The following OR7D2 variants were observed in gnomAD, a reference collection of about 807,000 sequenced individuals.
OR7D2 encodes the protein olfactory receptor 7D2.
For synonymous variants in OR7D2, 158 were observed against 158.7 expected (o/e 1.00, Z 0.03); for missense variants, 370 against 384.1 (o/e 0.96, Z 0.31).
intron 1 of OR7D2, among the ~76,000 whole-genome samples, chr19:9,180,485 C>T (rs973559116): frequency 2.0e-5 from 3 of 152,120 alleles, no homozygotes; most frequent in Non-Finnish European, 4.4e-5. Context: ...TTGCTCTATT[C>T]ACGCATATAC....
At chr19:9,182,541 G>A (rs534773449) in intron 2 of OR7D2, 75 of 159,726 alleles carry the variant, frequency 4.7e-4, no homozygotes, top group Non-Finnish European at 3.8e-4. Context: ...TTTTTGAGAC[G>A]GAGTCTCGCT....
rs2051046368 is a variant in OR7D2, at chr19:9,187,492, T to C, written c.*772T>C. The C allele has an allele frequency of 7.0e-6, 1 of 142,518 alleles. No homozygotes were observed. Among genetic ancestry groups the C allele is most frequent in the Non-Finnish European group, 1.5e-5 (1 of 66,270 alleles). The allele number at this position is 142,518 out of a possible 1,614,324, so 8.8% of individuals were successfully genotyped here. On this transcript the variant is annotated 3_prime_UTR_variant, in exon 3 of 3. Transcript: ENST00000641288. ...ATATGTAGATACATACCATGTTTTC[T>C]TTTTTTAAAAAAATTTATTTTTATG...
intron 2 of OR7D2, among the ~76,000 whole-genome samples, chr19:9,185,434 A>G (rs2051023174): frequency 6.6e-6 from 1 of 151,608 alleles, no homozygotes; most frequent in Admixed American, 6.6e-5. Context: ...AATAGTATGG[A>G]CAACATTTCT....
At position 9,186,402 on chromosome 19, in the gene OR7D2, C is replaced by G; in HGVS notation, c.621C>G (p.Gly207=). The stretch of plus-strand genomic sequence containing the variant: ...TATACTTTATGACGGGTGTGCTGGG[C>G]GTTTTTCCCCTCCTTGGGATCATTT... The part of the protein sequence containing the change: ...TLIYFMTGVL[G]VFPLLGIIFS... Residue 207 remains glycine (G), a synonymous_variant, in exon 3 of 3, where the codon GGC becomes GGG. Transcript: ENST00000641288. 6.2e-7 allele frequency: 1 copy of G among 1,614,134 alleles called. No homozygotes were observed. Among genetic ancestry groups the G allele is most frequent in the Non-Finnish European group, 8.5e-7 (1 of 1,180,022 alleles).
chr19:9,180,379 T>C (rs1441549060), intron 1 of OR7D2, among the ~76,000 whole-genome samples: 1 of 152,168 alleles, frequency 6.6e-6, no homozygotes, highest in Admixed American at 6.5e-5. Flanking sequence ...CTCAAAGTGC[T>C]GGGATTACAG....
chr19:9,179,036 C>T lies in OR7D2; in HGVS notation c.-192C>T, dbSNP rs1021281287. The T allele has an allele frequency of 3.3e-5, 5 of 152,110 alleles. No individual in the cohort carries two copies. Among genetic ancestry groups the T allele is most frequent in the African/African-American group, 1.2e-4 (5 of 41,402 alleles). The allele number at this position is 152,110 out of a possible 1,614,324, so 9.4% of individuals were successfully genotyped here. On this transcript the variant is annotated 5_prime_UTR_variant, in exon 1 of 3. Coordinates refer to ENST00000641288, the MANE Select transcript of OR7D2 (RefSeq NM_175883.4). ...GATGACTTCATGACAAGTTCCATCT[C>T]CCCGCCTTTCCCTGCTAGATTCTGT...
chr19:9,181,444 CTTTTTTTTT>C (rs911771352), intron 2 of OR7D2, among the ~76,000 whole-genome samples: 1 of 77,946 alleles, frequency 1.3e-5, no homozygotes, highest in African/African-American at 5.6e-5. Context: ...ATTTCCTAGA[CTTTTTTTTT>C]TTTTTTTTTT....
At chr19:9,184,284 CAT>C (rs1487699513) in intron 2 of OR7D2, among the ~76,000 whole-genome samples, 1 of 151,920 alleles carries the variant, frequency 6.6e-6, no homozygotes, top group Non-Finnish European at 1.5e-5. Flanking sequence ...CGTGGTGGCA[CAT>C]ACCTGTAATC....
At chr19:9,180,495 CTT>C (rs2050982170) in intron 1 of OR7D2, among the ~76,000 whole-genome samples, 2 of 152,110 alleles carry the variant, frequency 1.3e-5, no homozygotes, top group African/African-American at 4.8e-5. Context: ...CACGCATATA[CTT>C]TGTTATCTGA....
chr19:9,187,096 G>A lies in OR7D2; in HGVS notation c.*376G>A, dbSNP rs2051042798. The A allele has an allele frequency of 6.3e-6, 1 of 159,700 alleles. No individual in the cohort carries two copies. Among genetic ancestry groups the A allele is most frequent in the African/African-American group, 2.4e-5 (1 of 41,420 alleles). The allele number at this position is 159,700 out of a possible 1,614,324, so 9.9% of individuals were successfully genotyped here. ...ACCCATGCCTTTTAGTAGAGACGGG[G>A]TTTCACCATCTTGGCCAGGCTGGTC... On this transcript the variant is annotated 3_prime_UTR_variant, in exon 3 of 3. Transcript: ENST00000641288.
At chr19:9,179,724 G>A (rs947558174) in intron 1 of OR7D2, among the ~76,000 whole-genome samples, 17 of 151,862 alleles carry the variant, frequency 1.1e-4, no homozygotes, top group Admixed American at 6.6e-5. Flanking sequence ...AATAGTTCTC[G>A]GCCGGGTGCA....
rs1322500066 is a variant in OR7D2, at chr19:9,183,754, G to A, written c.-13-2015G>A. On this transcript the variant is annotated intron_variant, in intron 2 of 2. Transcript: ENST00000641288. Reference sequence around the variant, plus strand: ...GGGCGGATCACGAGGTCAGGAGATCGAGACCATCCTGGCTAACACGGTGAA... The same window carrying A: ...GGGCGGATCACGAGGTCAGGAGATCAAGACCATCCTGGCTAACACGGTGAA... Among the ~76,000 whole-genome samples the A allele has an allele frequency of 6.8e-5, 10 of 146,396 alleles. No individual in the cohort carries two copies. The South Asian group carries it at 1.3e-3, about 20-fold the overall frequency.
chr19:9,181,380 A>C (rs2050988243), intron 2 of OR7D2, among the ~76,000 whole-genome samples: 2 of 150,666 alleles, frequency 1.3e-5, no homozygotes, highest in Non-Finnish European at 3.0e-5. Context: ...GAAAGACTCA[A>C]GTCATCCATT....
chr19:9,179,859 C>T (rs865978490), intron 1 of OR7D2, among the ~76,000 whole-genome samples: 15 of 151,474 alleles, frequency 9.9e-5, no homozygotes, highest in Non-Finnish European at 1.8e-4. Flanking sequence ...CAAAATTAGC[C>T]GGGCATGGTG....
At chr19:9,183,378 C>T (rs1033740102) in intron 2 of OR7D2, among the ~76,000 whole-genome samples, 8 of 152,116 alleles carry the variant, frequency 5.3e-5, no homozygotes, top group Non-Finnish European at 1.2e-4. Flanking sequence ...TGGCTCAAAG[C>T]GATCCTCCCG....
chr19:9,186,784 G>C lies in OR7D2; in HGVS notation c.*64G>C. 2 of 1,124,842 alleles carry C rather than the reference G, an allele frequency of 1.8e-6. No individual in the cohort carries two copies. The highest frequency in any genetic ancestry group is 1.3e-6 in the Non-Finnish European group (1 of 791,376). The allele number at this position is 1,124,842 out of a possible 1,614,324, so 69.7% of individuals were successfully genotyped here. On this transcript the variant is annotated 3_prime_UTR_variant, in exon 3 of 3. Coordinates refer to ENST00000641288, the MANE Select transcript of OR7D2 (RefSeq NM_175883.4). ...ACCAATGGCAAAAATGTTTTATTTT[G>C]AAATTCTTACTCTTTAAAATTAAAA...
chr19:9,180,320 T>C (rs150416038), intron 1 of OR7D2, among the ~76,000 whole-genome samples: 1 of 152,184 alleles, frequency 6.6e-6, no homozygotes, highest in African/African-American at 2.4e-5. Flanking sequence ...TTTTGTTGTC[T>C]AGGCTGGTCT....
At position 9,186,483 on chromosome 19, in the gene OR7D2, A is replaced by G. The variant is rs943064636; in HGVS notation, c.702A>G (p.Lys234=). Residue 234 remains lysine, a synonymous_variant, in exon 3 of 3, where the codon AAA becomes AAG. Transcript: ENST00000641288. ...GGAAGATGTCCTCATCTGGGGGAAA[A>G]CAAAAAGCACTTTCCACCTGTGGGT... ...SIRKMSSSGG[K]QKALSTCGSH... 1.2e-6 allele frequency: 2 copies of G among 1,614,090 alleles called. No homozygotes were observed. Among genetic ancestry groups the G allele is most frequent in the Non-Finnish European group, 8.5e-7 (1 of 1,180,000 alleles).
chr19:9,183,008 G>A, intron 2 of OR7D2: 1 of 435,064 alleles, frequency 2.3e-6, no homozygotes, highest in South Asian at 2.1e-5. Flanking sequence ...CACGGCATCA[G>A]GGCCTTCACA....
Sources: gnomAD v4.1 joint callset for allele counts (sites outside exome capture counted in the v4.1 genomes callset) on GRCh38, gnomAD v4.1.1 for gene constraint, MANE v1.5 for transcripts, NCBI Gene and HGNC (gene_info 2026-07-23, HGNC 2026-07-21) for gene names.